PAX2: variants seen among roughly 807,000 people sequenced by gnomAD.
The protein encoded by PAX2 is paired box protein Pax-2.
PAX2 carries 9 observed loss-of-function variants against 41.7 expected under a neutral mutation model. The observed-to-expected ratio is 0.22, with a 90% CI of 0.13 to 0.38. The LOEUF (loss-of-function observed/expected upper bound fraction) is 0.38. Ranked by LOEUF, PAX2 falls within the 10% of genes least tolerant of loss-of-function variation. PAX2 has a pLI of 1.00. For synonymous variants in PAX2, 221 were observed against 212.7 expected (o/e 1.04, Z -0.34); for missense variants, 418 against 531.6 (o/e 0.79, Z 2.10).
chr10:100,759,056 T>C (rs1845744319), intron 3 of PAX2, among the ~76,000 whole-genome samples: 1 of 152,134 alleles, frequency 6.6e-6, no homozygotes, highest in East Asian at 1.9e-4. Context: ...TGGACAGGGT[T>C]GTTCGGGATT....
intron 3 of PAX2, among the ~76,000 whole-genome samples, chr10:100,772,491 T>C (rs1438993192): frequency 6.6e-6 from 1 of 152,222 alleles, no homozygotes; most frequent in Non-Finnish European, 1.5e-5. Flanking sequence ...ATTGAGTTTA[T>C]AATGCCCAGG....
intron 3 of PAX2, among the ~76,000 whole-genome samples, chr10:100,755,818 G>T (rs960651719): frequency 3.9e-5 from 6 of 152,206 alleles, no homozygotes; most frequent in Non-Finnish European, 4.4e-5. Context: ...GGGGGAATTA[G>T]CCAAGTGGAG....
At chr10:100,773,302 T>C (rs1846275490) in intron 3 of PAX2, among the ~76,000 whole-genome samples, 1 of 152,166 alleles carries the variant, frequency 6.6e-6, no homozygotes, top group Non-Finnish European at 1.5e-5. Flanking sequence ...CTGGAGCCTC[T>C]CCTGAGGAAG....
In PAX2 at chr10:100,827,222, A is replaced by C; in HGVS notation, c.1108+127A>C. On this transcript the variant is annotated intron_variant, in intron 9 of 9. Transcript: ENST00000355243. This position sits in a 1 kb window ranked among gnomAD's most constrained non-coding sequence, Gnocchi z 8.5. ...AGGGGGACAGGCTTGTTAGTGCAGC[A>C]CTGAGGCCCGGGGACCCCTCGAGGA... The C allele has an allele frequency of 1.3e-6, 1 of 791,308 alleles. No homozygotes were observed. 49.0% of individuals were successfully genotyped at this position (791,308 alleles called of 1,614,324 possible).
upstream of PAX2, among the ~76,000 whole-genome samples, chr10:100,742,381 C>T (rs1844989130): frequency 6.7e-6 from 1 of 148,922 alleles, no homozygotes; most frequent in Non-Finnish European, 1.5e-5. Flanking sequence ...ACCCCGACAC[C>T]TACACCCAGA....
At chr10:100,760,725 C>T (rs1330892881) in intron 3 of PAX2, among the ~76,000 whole-genome samples, 1 of 150,338 alleles carries the variant, frequency 6.7e-6, no homozygotes, top group African/African-American at 2.5e-5. Flanking sequence ...CAGTCCCTTA[C>T]TTTTCTTCCT....
chr10:100,744,270 C>G (rs1324472196), upstream of PAX2, among the ~76,000 whole-genome samples: 2 of 152,208 alleles, frequency 1.3e-5, no homozygotes, highest in African/African-American at 4.8e-5. Context: ...AAGAGCGCTG[C>G]GCAAGCTTCG....
At chr10:100,805,023 T>TCTCTCTCTC (rs1847720204) in intron 5 of PAX2, among the ~76,000 whole-genome samples, 1 of 94,956 alleles carries the variant, frequency 1.1e-5, no homozygotes, top group African/African-American at 4.5e-5. Context: ...CTCTCTCACA[T>TCTCTCTCTC]ACACACACAC....
chr10:100,786,363 C>T (rs1434222131), intron 5 of PAX2, among the ~76,000 whole-genome samples: 1 of 152,222 alleles, frequency 6.6e-6, no homozygotes, highest in African/African-American at 2.4e-5. Context: ...ACATAAGATC[C>T]TCTTCTTTTT....
At chr10:100,811,156 TA>T (rs1012561427) in intron 7 of PAX2, among the ~76,000 whole-genome samples, 3 of 151,684 alleles carry the variant, frequency 2.0e-5, no homozygotes, top group Admixed American at 6.6e-5. Context: ...AAGATGGGGA[TA>T]GGGGTAGGGA....
intron 5 of PAX2, among the ~76,000 whole-genome samples, chr10:100,805,116 G>A (rs1847729637): frequency 6.6e-6 from 1 of 151,316 alleles, no homozygotes; most frequent in African/African-American, 2.4e-5. Context: ...GATATGGAGG[G>A]AAGATGGGAG....
rs2133822841 is a variant in PAX2, at chr10:100,746,024, C to A, written c.-237C>A. On this transcript the variant is annotated 5_prime_UTR_variant, in exon 1 of 10. Transcript: ENST00000355243. The stretch of plus-strand genomic sequence containing the variant: ...GGGCCATTCTGCTGACCGCCCAGCC[C>A]CGAGCCCCGACAGTGGCAAGTTGCG... The A allele has an allele frequency of 7.0e-7, 1 of 1,423,798 alleles. No individual in the cohort carries two copies. Among genetic ancestry groups the A allele is most frequent in the Non-Finnish European group, 9.1e-7 (1 of 1,095,852 alleles). 88.2% of individuals were successfully genotyped at this position (1,423,798 alleles called of 1,614,324 possible).
intron 3 of PAX2, among the ~76,000 whole-genome samples, chr10:100,752,680 G>A (rs533364936): frequency 6.6e-6 from 1 of 152,330 alleles, no homozygotes; most frequent in South Asian, 2.1e-4. Flanking sequence ...CCCAAGTCAT[G>A]TAGGATTTAG....
Position 100,745,722 on chromosome 10 carries a change from C to T in PAX2, c.-539C>T. ...GCCTTTTCCGGGGGCGGGGGCCTGG[C>T]CCGCGCGCTCCCCTCCCGCAGGCGC... On this transcript the variant is annotated 5_prime_UTR_variant, in exon 1 of 10. Coordinates refer to ENST00000355243, the MANE Select transcript of PAX2 (RefSeq NM_000278.5). The T allele has an allele frequency of 9.8e-7, 1 of 1,019,250 alleles. No homozygotes were observed. Among genetic ancestry groups the T allele is most frequent in the Non-Finnish European group, 1.2e-6 (1 of 848,534 alleles). The allele number at this position is 1,019,250 out of a possible 1,614,324, so 63.1% of individuals were successfully genotyped here.
At chr10:100,767,886 C>T (rs1846079546) in intron 3 of PAX2, among the ~76,000 whole-genome samples, 1 of 151,826 alleles carries the variant, frequency 6.6e-6, no homozygotes, top group African/African-American at 2.4e-5. Context: ...TTGCAATGCC[C>T]CCAGGATAAA....
intron 3 of PAX2, among the ~76,000 whole-genome samples, chr10:100,771,444 A>G (rs57097683): frequency 2.8e-4 from 43 of 152,160 alleles, no homozygotes; most frequent in Non-Finnish European, 5.6e-4. Context: ...CAGTGTGTTA[A>G]GTGATTCAGG....
intron 5 of PAX2, among the ~76,000 whole-genome samples, chr10:100,801,924 C>T (rs1847579198): frequency 6.6e-6 from 1 of 152,240 alleles, no homozygotes; most frequent in Non-Finnish European, 1.5e-5. Flanking sequence ...CTTCAGCTTC[C>T]TTATCTTTAA....
chr10:100,748,568 G>A lies in PAX2; in HGVS notation c.44-1178G>A. Reference sequence around the variant, plus strand: ...TCGGCCGCTAGAAGTCTCTGCGCTTGGATTGCTCAGTACCTGCGGCTACGG... The same window carrying A: ...TCGGCCGCTAGAAGTCTCTGCGCTTAGATTGCTCAGTACCTGCGGCTACGG... On this transcript the variant is annotated intron_variant, in intron 1 of 9. Coordinates refer to ENST00000355243, the MANE Select transcript of PAX2 (RefSeq NM_000278.5). The surrounding 1 kb of genome is among the most constrained non-coding windows in gnomAD (Gnocchi z 5.0). The A allele has an allele frequency of 1.0e-6, 1 of 985,442 alleles. No homozygotes were observed. Among genetic ancestry groups the A allele is most frequent in the Non-Finnish European group, 1.2e-6 (1 of 829,934 alleles). The allele number at this position is 985,442 out of a possible 1,614,324, so 61.0% of individuals were successfully genotyped here. A position where few individuals can be genotyped will look rare whatever the true frequency, so the allele number is the denominator to read the frequency against.
At chr10:100,765,195 T>C (rs1199547859) in intron 3 of PAX2, among the ~76,000 whole-genome samples, 6 of 152,238 alleles carry the variant, frequency 3.9e-5, no homozygotes, top group African/African-American at 1.4e-4. Flanking sequence ...TCCAACTAAC[T>C]GGACAACTGC....
Sources: gnomAD v4.1 joint callset for allele counts (sites outside exome capture counted in the v4.1 genomes callset) on GRCh38, gnomAD v4.1.1 for gene constraint, Gnocchi (gnomAD v3.1) non-coding constraint, MANE v1.5 for transcripts, NCBI Gene and HGNC (gene_info 2026-07-23, HGNC 2026-07-21) for gene names.